Variants in DIP2C observed in about 807,000 individuals in gnomAD.
DIP2C encodes DIP2 acetate--CoA ligase C (putative), also known as disco-interacting protein 2 homolog C.
A neutral mutation model predicts 192.4 loss-of-function variants in DIP2C; 33 were observed. That is an observed-to-expected ratio of 0.17 (90% CI 0.13 to 0.23). The LOEUF (loss-of-function observed/expected upper bound fraction) is 0.23, where lower values mean the gene tolerates loss of function less well. Among genes scored for constraint, DIP2C ranks in the 10% least tolerant of loss-of-function variants. The pLI, the probability that DIP2C is intolerant of heterozygous loss-of-function variation, is 1.00. For synonymous variants in DIP2C, 979 were observed against 864.1 expected (o/e 1.13, Z -2.33); for missense variants, 1,537 against 2,110.1 (o/e 0.73, Z 5.32).
chr10:453,793 C>G (rs906686458), intron 3 of DIP2C, among the ~76,000 whole-genome samples: 2 of 152,228 alleles, frequency 1.3e-5, no homozygotes, highest in Non-Finnish European at 2.9e-5. Context: ...AAGGAGACCA[C>G]GCTGCCTGCA....
At chr10:412,802 A>C (rs1353199220) in intron 8 of DIP2C, among the ~76,000 whole-genome samples, 1 of 152,210 alleles carries the variant, frequency 6.6e-6, no homozygotes, top group African/African-American at 2.4e-5. Flanking sequence ...TAACAACAAA[A>C]GCTAAAGTTA....
intron 1 of DIP2C, among the ~76,000 whole-genome samples, chr10:638,017 C>T (rs1045068475): frequency 6.6e-6 from 1 of 152,232 alleles, no homozygotes; most frequent in African/African-American, 2.4e-5. Context: ...CGTGGAAGGG[C>T]CAGATGCCTG....
intron 3 of DIP2C, among the ~76,000 whole-genome samples, chr10:465,038 G>A (rs1970095858): frequency 6.8e-6 from 1 of 147,702 alleles, no homozygotes; most frequent in Admixed American, 6.8e-5. Flanking sequence ...CTCATTTTAT[G>A]AGGCCAGCAT....
intron 1 of DIP2C, among the ~76,000 whole-genome samples, chr10:561,959 C>A (rs993592812): frequency 6.6e-6 from 1 of 152,218 alleles, no homozygotes; most frequent in Non-Finnish European, 1.5e-5. Flanking sequence ...CCCTCCTGCA[C>A]CAGCCGGGCC....
intron 1 of DIP2C, among the ~76,000 whole-genome samples, chr10:536,706 CA>C (rs986338022): frequency 6.6e-6 from 1 of 152,234 alleles, no homozygotes; most frequent in South Asian, 2.1e-4. Context: ...GGTGCTAAGA[CA>C]AAGACAGTGA....
intron 1 of DIP2C, among the ~76,000 whole-genome samples, chr10:658,287 GGA>G: frequency 1.4e-5 from 2 of 147,366 alleles, no homozygotes; most frequent in African/African-American, 5.2e-5. Flanking sequence ...ACCTGCCCCT[GGA>G]CCTGTCCCTG....
At chr10:369,713 G>C in intron 17 of DIP2C, 80 bp from the exon 18 acceptor site, 1 of 1,606,120 alleles carries the variant, frequency 6.2e-7, no homozygotes, top group Non-Finnish European at 8.5e-7. Context: ...GCACACATGC[G>C]GCAGGCTGGG....
At chr10:409,890 G>T (rs1965071738) in intron 8 of DIP2C, among the ~76,000 whole-genome samples, 1 of 152,176 alleles carries the variant, frequency 6.6e-6, no homozygotes. Context: ...ATACACAATG[G>T]CCTTTTACAA....
intron 1 of DIP2C, among the ~76,000 whole-genome samples, chr10:672,548 G>A (rs1473696444): frequency 6.6e-6 from 1 of 152,210 alleles, no homozygotes. Context: ...ATAACTGGAG[G>A]TCACCATTAA....
At chr10:341,072 A>G in intron 29 of DIP2C, 127 bp downstream of exon 29, 1 of 1,333,788 alleles carries the variant, frequency 7.5e-7, no homozygotes, top group East Asian at 2.3e-5. Context: ...GACACGGGTA[A>G]GCCCCAGGCC....
chr10:310,177 T>C, intron 31 of DIP2C, 85 bp from the exon 32 acceptor site: 1 of 1,291,148 alleles, frequency 7.7e-7, no homozygotes, highest in Non-Finnish European at 1.1e-6. Context: ...AAACATTTCT[T>C]TTGTAAAATC....
At chr10:452,913 C>T (rs912756329) in intron 3 of DIP2C, among the ~76,000 whole-genome samples, 7 of 152,162 alleles carry the variant, frequency 4.6e-5, no homozygotes, top group African/African-American at 1.4e-4. Flanking sequence ...AGCGGATCAC[C>T]GGGAGGCCTG....
intron 1 of DIP2C, among the ~76,000 whole-genome samples, chr10:577,284 A>G (rs545438707): frequency 6.6e-6 from 1 of 152,368 alleles, no homozygotes; most frequent in African/African-American, 2.4e-5. Context: ...ACAGTTTATC[A>G]CTAATTCACT....
intron 3 of DIP2C, among the ~76,000 whole-genome samples, chr10:470,243 A>T (rs1432321702): frequency 2.0e-5 from 3 of 152,204 alleles, no homozygotes; most frequent in Non-Finnish European, 4.4e-5. Context: ...ATGAGTCAGG[A>T]TGGGGAACGG....
chr10:347,391 G>C (rs1222970916), intron 26 of DIP2C, among the ~76,000 whole-genome samples: 35 of 113,174 alleles, frequency 3.1e-4, no homozygotes, highest in Middle Eastern at 6.2e-3. Flanking sequence ...TCCCGGAAAC[G>C]TCACACGCAC....
intron 30 of DIP2C, among the ~76,000 whole-genome samples, chr10:328,230 G>C (rs1189985871): frequency 6.6e-6 from 1 of 152,192 alleles, no homozygotes; most frequent in South Asian, 2.1e-4. Flanking sequence ...CTCAAGTCTG[G>C]GTGACACAAA....
chr10:513,437 G>A (rs578153362), intron 1 of DIP2C, among the ~76,000 whole-genome samples: 8 of 152,264 alleles, frequency 5.3e-5, no homozygotes, highest in African/African-American at 1.9e-4. Context: ...GCTGCAGCCC[G>A]CACCTCTCAT....
chr10:604,119 T>G (rs913633084), intron 1 of DIP2C, among the ~76,000 whole-genome samples: 2 of 147,566 alleles, frequency 1.4e-5, no homozygotes, highest in Admixed American at 6.8e-5. Context: ...CATCAAGGCA[T>G]GTGTGTGAGG....
Position 387,813 on chromosome 10 carries a change from C to A in DIP2C, c.1598-4G>T. The A allele has an allele frequency of 6.2e-7, 1 of 1,614,200 alleles. No homozygotes were observed. On this transcript the variant is annotated splice_polypyrimidine_tract_variant and splice_region_variant and intron_variant, in intron 13 of 36. Coordinates refer to ENST00000280886, the MANE Select transcript of DIP2C (RefSeq NM_014974.3). ...AGCACATTCACAATGGTTTCAGCTG[C>A]ACAACAGAGGGAGTCAGGAGATTTT... is the stretch of plus-strand genomic sequence containing the variant.
Sources: allele counts gnomAD v4.1 joint callset (sites outside exome capture counted in the v4.1 genomes callset), GRCh38; gene constraint gnomAD v4.1.1; transcripts MANE v1.5; gene names NCBI Gene and HGNC (gene_info 2026-07-23, HGNC 2026-07-21).